ASS1: variants seen among roughly 807,000 people sequenced by gnomAD.
The protein encoded by ASS1 is argininosuccinate synthase.
ASS1 carries 58 observed loss-of-function variants against 60.5 expected under a neutral mutation model. That is an observed-to-expected ratio of 0.96 (90% CI 0.78 to 1.19). ASS1 has a LOEUF of 1.19. ASS1 is among the 50% of genes most tolerant of loss of function. ASS1 has a pLI of 0.00. For missense variants in ASS1, 454 were observed against 547.3 expected (o/e 0.83, Z 1.70); for synonymous variants, 200 against 206.9 (o/e 0.97, Z 0.29).
chr9:130,485,256 CA>C (rs1846281185), intron 11 of ASS1, among the ~76,000 whole-genome samples: 1 of 152,158 alleles, frequency 6.6e-6, no homozygotes, highest in Non-Finnish European at 1.5e-5. Flanking sequence ...AAGTAGGGCA[CA>C]CCTGGAGGAC....
At chr9:130,452,041 G>C (rs750565763) in intron 1 of ASS1, 183 bp from the exon 2 acceptor site, 17 of 693,594 alleles carry the variant, frequency 2.5e-5, no homozygotes, top group Non-Finnish European at 3.7e-5. Flanking sequence ...CAGAGTGTGC[G>C]AGGTCAGGGT....
intron 2 of ASS1, among the ~76,000 whole-genome samples, chr9:130,453,595 C>T (rs778385805): frequency 7.2e-5 from 11 of 152,188 alleles, no homozygotes; most frequent in Non-Finnish European, 1.3e-4. Flanking sequence ...GTATAGACCC[C>T]TGGGCTACCA....
At position 130,491,318 on chromosome 9, in the gene ASS1, T is replaced by C. The variant is rs1357937099; in HGVS notation, c.970+1854T>C. Among the ~76,000 whole-genome samples, 7 of 151,742 alleles carry C rather than the reference T, an allele frequency of 4.6e-5. No individual in the cohort carries two copies. The highest frequency in any genetic ancestry group is 6.8e-3 in the Middle Eastern group (2 of 294). On this transcript the variant is annotated intron_variant, in intron 12 of 14. Transcript: ENST00000352480. The surrounding 1 kb of genome is among the most constrained non-coding windows in gnomAD (Gnocchi z 5.3). ...AAGACGTGGCGGAGGAGAGAGCACC[T>C]GGCCGGGCTGCTCCGGGGCCTCCAC...
chr9:130,489,480 T>C lies in ASS1; in HGVS notation c.970+16T>C, dbSNP rs758036238. 1.9e-6 allele frequency: 3 copies of C among 1,613,932 alleles called. No homozygotes were observed. Among genetic ancestry groups the C allele is most frequent in the Admixed American group, 3.3e-5 (2 of 60,004 alleles). ...GTGTATACCGGTGCGTAAGACTCTA[T>C]GGCTGCCCCCTCTAACCGCCTCACA... On this transcript the variant is annotated intron_variant, in intron 12 of 14. Transcript: ENST00000352480. This position sits in a 1 kb window ranked among gnomAD's most constrained non-coding sequence, Gnocchi z 4.1.
Position 130,453,315 on chromosome 9 carries a change from G to A in ASS1, c.105+982G>A, listed in dbSNP as rs575930777. ...GAATGGGGTCCACCCAGGAAAGAAG[G>A]TTCTGTTTCCAGAGGAAGTGAGCCT... On this transcript the variant is annotated intron_variant, in intron 2 of 14. Coordinates refer to ENST00000352480, the MANE Select transcript of ASS1 (RefSeq NM_054012.4). Among the ~76,000 whole-genome samples the A allele has an allele frequency of 2.0e-5, 3 of 152,266 alleles. No individual in the cohort carries two copies. The East Asian group carries it at 5.8e-4, about 29-fold the overall frequency.
intron 10 of ASS1, 21 bp downstream of exon 10, chr9:130,479,821 C>T (rs1846122638): frequency 2.5e-6 from 4 of 1,609,880 alleles, no homozygotes; most frequent in Non-Finnish European, 3.4e-6. Context: ...GCAGCCCTGT[C>T]CGGCCTCTTG....
chr9:130,470,783 A>T lies in ASS1; in HGVS notation c.496-51A>T. ...AAGCAGGGCCCCTGGGACGGACCTC[A>T]CGCGTCCTTCCAGCCGCCTTACCTC... On this transcript the variant is annotated intron_variant, in intron 6 of 14. Coordinates refer to ENST00000352480, the MANE Select transcript of ASS1 (RefSeq NM_054012.4). The surrounding 1 kb of genome is among the most constrained non-coding windows in gnomAD (Gnocchi z 4.3). 1 of 1,553,248 alleles carries T rather than the reference A, an allele frequency of 6.4e-7. No homozygotes were observed. The highest frequency in any genetic ancestry group is 8.9e-7 in the Non-Finnish European group (1 of 1,124,932).
chr9:130,475,060 T>A (rs899995904), intron 8 of ASS1, among the ~76,000 whole-genome samples: 11 of 152,228 alleles, frequency 7.2e-5, no homozygotes, highest in Admixed American at 7.2e-4. Context: ...AAGGATCAAT[T>A]GTCCTGGTTT....
chr9:130,481,243 G>A (rs1310468211), intron 11 of ASS1, among the ~76,000 whole-genome samples: 2 of 152,116 alleles, frequency 1.3e-5, no homozygotes, highest in South Asian at 2.1e-4. Context: ...CTCCCTGAGG[G>A]TCTGCCAGTG....
intron 11 of ASS1, among the ~76,000 whole-genome samples, chr9:130,486,150 G>T (rs965167204): frequency 2.6e-5 from 4 of 151,990 alleles, no homozygotes; most frequent in Non-Finnish European, 4.4e-5. Flanking sequence ...TTGTAGAGAC[G>T]GGGTCTCCCT....
At chr9:130,465,640 C>T (rs1319961663) in intron 5 of ASS1, among the ~76,000 whole-genome samples, 1 of 152,134 alleles carries the variant, frequency 6.6e-6, no homozygotes, top group Non-Finnish European at 1.5e-5. Context: ...AAGAGTTGCC[C>T]CCTCCTAAGC....
chr9:130,480,967 G>A (rs1458285227), intron 11 of ASS1, among the ~76,000 whole-genome samples: 1 of 150,632 alleles, frequency 6.6e-6, no homozygotes, highest in African/African-American at 2.4e-5. Flanking sequence ...GGATGGGGCT[G>A]TGCCACAGTT....
intron 4 of ASS1, among the ~76,000 whole-genome samples, chr9:130,462,335 G>C (rs878903387): frequency 6.6e-6 from 1 of 152,170 alleles, no homozygotes; most frequent in Admixed American, 6.5e-5. Context: ...ATATCAGCAT[G>C]CGGACACTCG....
intron 11 of ASS1, among the ~76,000 whole-genome samples, chr9:130,481,734 C>T (rs980624390): frequency 2.0e-5 from 3 of 152,282 alleles, no homozygotes; most frequent in South Asian, 2.1e-4. Context: ...CAGCATGGAC[C>T]GGGGCGGGGA....
intron 14 of ASS1, among the ~76,000 whole-genome samples, chr9:130,500,148 C>A (rs763616480): frequency 1.2e-4 from 19 of 152,128 alleles, no homozygotes; most frequent in Non-Finnish European, 2.8e-4. Flanking sequence ...AGGCTTAGAC[C>A]CTGGCATGCA....
At chr9:130,461,309 C>T (rs1433286817) in intron 4 of ASS1, among the ~76,000 whole-genome samples, 3 of 152,192 alleles carry the variant, frequency 2.0e-5, no homozygotes, top group Non-Finnish European at 4.4e-5. Flanking sequence ...GCAACAGCCT[C>T]CCGCAGCCGT....
Position 130,464,041 on chromosome 9 carries a change from C to T in ASS1, c.364-70C>T. The T allele has an allele frequency of 1.9e-6, 3 of 1,561,654 alleles. No individual in the cohort carries two copies. The South Asian group carries it at 3.3e-5, about 17-fold the overall frequency. On this transcript the variant is annotated intron_variant, in intron 4 of 14. Coordinates refer to ENST00000352480, the MANE Select transcript of ASS1 (RefSeq NM_054012.4). The stretch of plus-strand genomic sequence containing the variant: ...GTCTCCGCCACGGGCTGTCCTTGTC[C>T]TCACGTCCTCCCCCAGACTCCAGAA...
intron 4 of ASS1, 64 bp from the exon 5 acceptor site, chr9:130,464,047 T>A: frequency 6.3e-7 from 1 of 1,577,408 alleles, no homozygotes; most frequent in East Asian, 2.2e-5. Flanking sequence ...TGTCCTCACG[T>A]CCTCCCCCAG....
rs113818350 is a variant in ASS1, at chr9:130,470,872, G to A, written c.534G>A (p.Pro178=). The change falls in exon 7 of 15, where the codon CCG becomes CCA. Residue 178 remains proline, a synonymous_variant. Transcript: ENST00000352480. The surrounding 1 kb of genome is among the most constrained non-coding windows in gnomAD (Gnocchi z 4.3). The stretch of plus-strand genomic sequence containing the variant: ...CCATCCCGGTCACTCCCAAGAACCC[G>A]TGGAGCATGGATGAGAACCTCATGC... ...GIPIPVTPKN[P]WSMDENLMHI... 22 of 1,614,078 alleles carry A rather than the reference G, an allele frequency of 1.4e-5. 1 individual carries two copies. Among genetic ancestry groups the A allele is most frequent in the South Asian group, 7.7e-5 (7 of 91,086 alleles).
Sources: gnomAD v4.1 joint callset for allele counts (sites outside exome capture counted in the v4.1 genomes callset) on GRCh38, gnomAD v4.1.1 for gene constraint, Gnocchi (gnomAD v3.1) non-coding constraint, MANE v1.5 for transcripts, NCBI Gene and HGNC (gene_info 2026-07-23, HGNC 2026-07-21) for gene names.